Variants in RABEP1 observed in about 807,000 individuals in gnomAD.
The protein encoded by RABEP1 is rabaptin, RAB GTPase binding effector protein 1, also known as rab GTPase-binding effector protein 1.
A neutral mutation model predicts 123.4 loss-of-function variants in RABEP1; 51 were observed. The observed-to-expected ratio is 0.41, with a 90% CI of 0.33 to 0.52. The LOEUF is 0.52. Among genes scored for constraint, RABEP1 ranks in the 20% least tolerant of loss-of-function variants. RABEP1 has a pLI of 0.16. For missense variants in RABEP1, 888 were observed against 996.3 expected (o/e 0.89, Z 1.46); for synonymous variants, 347 against 355.2 (o/e 0.98, Z 0.26).
At position 5,368,714 on chromosome 17, in the gene RABEP1, C is replaced by T. The variant is rs1332409579; in HGVS notation, c.1884+246C>T. ...TAACTTATTTTTCTGATTTGGGAAA[C>T]CTAAACAGAATAAACTATGGACCTA... is the stretch of plus-strand genomic sequence containing the variant. On this transcript the variant is annotated intron_variant, in intron 12 of 17. Coordinates refer to ENST00000537505, the MANE Select transcript of RABEP1 (RefSeq NM_004703.6). Among the ~76,000 whole-genome samples the T allele has an allele frequency of 3.3e-5, 5 of 152,248 alleles. No individual in the cohort carries two copies. In the East Asian group the frequency reaches 9.6e-4, roughly 29 times the overall value.
At chr17:5,341,793 A>AGT (rs1374004754) in intron 5 of RABEP1, among the ~76,000 whole-genome samples, 7 of 152,250 alleles carry the variant, frequency 4.6e-5, no homozygotes, top group Non-Finnish European at 7.3e-5. Context: ...CTATCATTGC[A>AGT]GTGTACACGT....
At position 5,384,425 on chromosome 17, in the gene RABEP1, C is replaced by T. The variant is rs545641066; in HGVS notation, c.*1202C>T. 4.7e-6 allele frequency: 1 copy of T among 214,734 alleles called. No homozygotes were observed. The highest frequency in any genetic ancestry group is 7.0e-5 in the East Asian group (1 of 14,276). The allele number at this position is 214,734 out of a possible 1,614,324, so 13.3% of individuals were successfully genotyped here. ...ATATCCAGTGGATGGATTCATCATC[C>T]AGGAGGTTCAAAAGTAAGATGGTTT... On this transcript the variant is annotated 3_prime_UTR_variant, in exon 18 of 18. Transcript: ENST00000537505.
chr17:5,352,825 C>G (rs1324800220), intron 7 of RABEP1, among the ~76,000 whole-genome samples: 3 of 151,762 alleles, frequency 2.0e-5, no homozygotes, highest in Non-Finnish European at 4.4e-5. Context: ...AGTGAGACTC[C>G]CTCTCAAAAA....
chr17:5,332,278 C>T (rs1366524260), intron 3 of RABEP1, 126 bp downstream of exon 3: 1 of 842,240 alleles, frequency 1.2e-6, no homozygotes, highest in Non-Finnish European at 1.8e-6. Flanking sequence ...CTGTCATCAT[C>T]AAGATATACT....
chr17:5,382,968 G>C (rs983362256), intron 17 of RABEP1, among the ~76,000 whole-genome samples, 154 bp from the exon 18 acceptor site: 1 of 152,136 alleles, frequency 6.6e-6, no homozygotes, highest in African/African-American at 2.4e-5. Flanking sequence ...TAGCTTTGGG[G>C]AATTATTTTT....
intron 10 of RABEP1, 117 bp from the exon 11 acceptor site, chr17:5,365,005 G>A: frequency 1.6e-6 from 1 of 640,052 alleles, no homozygotes; most frequent in Admixed American, 3.2e-5. Context: ...GAAAATCTGT[G>A]GTGTTTCCCA....
At chr17:5,319,327 CAA>C (rs200353804) in intron 2 of RABEP1, among the ~76,000 whole-genome samples, 53 of 114,714 alleles carry the variant, frequency 4.6e-4, no homozygotes, top group African/African-American at 9.8e-4. Flanking sequence ...GACTCTGTCT[CAA>C]AAAAAAAAAA....
At chr17:5,332,201 C>A in intron 3 of RABEP1, 49 bp downstream of exon 3, 1 of 1,510,510 alleles carries the variant, frequency 6.6e-7, no homozygotes, top group Non-Finnish European at 9.1e-7. Flanking sequence ...ATATCCGATT[C>A]TGATGATTGA....
At chr17:5,380,333 CTG>C in intron 15 of RABEP1, 29 bp from the exon 16 acceptor site, 1 of 1,462,894 alleles carries the variant, frequency 6.8e-7, no homozygotes, top group Non-Finnish European at 9.3e-7. Context: ...GAGGGAGTTT[CTG>C]TGAGTTTCAG....
chr17:5,381,692 TTTC>T (rs2144738949), intron 17 of RABEP1, 187 bp downstream of exon 17: 1 of 390,602 alleles, frequency 2.6e-6, no homozygotes, highest in Non-Finnish European at 3.1e-6. Context: ...TTGGCCCATT[TTTC>T]TTTTTCTGTA....
At chr17:5,282,943 C>T (rs893727483) in intron 1 of RABEP1, among the ~76,000 whole-genome samples, 1 of 152,066 alleles carries the variant, frequency 6.6e-6, no homozygotes, top group African/African-American at 2.4e-5. Context: ...CCAATCCTTG[C>T]TATAGAACTC....
intron 1 of RABEP1, among the ~76,000 whole-genome samples, chr17:5,283,540 A>C (rs2074949079): frequency 6.6e-6 from 1 of 152,138 alleles, no homozygotes; most frequent in Admixed American, 6.6e-5. Context: ...TAGTTGTGAA[A>C]GTACTTTCTG....
intron 1 of RABEP1, among the ~76,000 whole-genome samples, chr17:5,306,340 A>G (rs1395984093): frequency 1.3e-5 from 2 of 152,172 alleles, no homozygotes; most frequent in East Asian, 3.8e-4. Flanking sequence ...ATAAAGATAC[A>G]TGGTAGGCCG....
chr17:5,286,783 A>T (rs542269348), intron 1 of RABEP1, among the ~76,000 whole-genome samples: 3 of 152,342 alleles, frequency 2.0e-5, no homozygotes, highest in East Asian at 1.9e-4. Context: ...GGAGAAACGG[A>T]TATTAAACAA....
chr17:5,303,403 G>A (rs975557246), intron 1 of RABEP1, among the ~76,000 whole-genome samples: 9 of 152,008 alleles, frequency 5.9e-5, no homozygotes, highest in African/African-American at 1.7e-4. Context: ...TATCACGTCC[G>A]TCTAATTTTT....
In RABEP1 at chr17:5,320,141, G is replaced by A. The variant is rs551643873; in HGVS notation, c.163+11319G>A. ...TCCTAAAAGTAGCAAGAGAAAAGTA[G>A]CAAATAACCCTAATGGAGCTTCAGT... is the stretch of plus-strand genomic sequence containing the variant. On this transcript the variant is annotated intron_variant, in intron 2 of 17. Coordinates refer to ENST00000537505, the MANE Select transcript of RABEP1 (RefSeq NM_004703.6). Among the ~76,000 whole-genome samples, 4 of 151,952 alleles carry A rather than the reference G, an allele frequency of 2.6e-5. No homozygotes were observed. In the South Asian group the frequency reaches 8.3e-4, roughly 32 times the overall value.
At chr17:5,373,819 C>T (rs1910747079) in intron 13 of RABEP1, among the ~76,000 whole-genome samples, 1 of 152,050 alleles carries the variant, frequency 6.6e-6, no homozygotes, top group South Asian at 2.1e-4. Context: ...ACCTTTCTGC[C>T]TCTATAGATT....
intron 1 of RABEP1, among the ~76,000 whole-genome samples, chr17:5,294,256 C>T (rs1334903399): frequency 2.0e-5 from 3 of 151,980 alleles, no homozygotes; most frequent in South Asian, 2.1e-4. Flanking sequence ...TGGTGACACG[C>T]GTTTGTAATC....
intron 5 of RABEP1, among the ~76,000 whole-genome samples, chr17:5,340,793 A>T (rs1329966332): frequency 1.3e-5 from 2 of 151,868 alleles, no homozygotes; most frequent in African/African-American, 4.8e-5. Flanking sequence ...CTAAAAATGC[A>T]AAAAATTAGC....
Sources: gnomAD v4.1 joint callset for allele counts (sites outside exome capture counted in the v4.1 genomes callset) on GRCh38, gnomAD v4.1.1 for gene constraint, MANE v1.5 for transcripts, NCBI Gene and HGNC (gene_info 2026-07-23, HGNC 2026-07-21) for gene names.